Variants in MGA observed in about 807,000 individuals in gnomAD.
The protein encoded by MGA is MAX gene-associated protein.
A neutral mutation model predicts 261.1 loss-of-function variants in MGA; 40 were observed. The ratio of observed to expected loss-of-function variants is 0.15; its 90% CI spans 0.12 to 0.20. The LOEUF (loss-of-function observed/expected upper bound fraction) is 0.20. Among genes scored for constraint, MGA ranks in the 10% least tolerant of loss-of-function variants. The pLI is 1.00. For synonymous variants in MGA, 1,302 were observed against 1,290.6 expected (o/e 1.01, Z -0.19); for missense variants, 3,397 against 3,630.5 (o/e 0.94, Z 1.65).
chr15:41,648,292 G>A (rs936079679), intron 1 of MGA, among the ~76,000 whole-genome samples: 5 of 152,152 alleles, frequency 3.3e-5, no homozygotes, highest in African/African-American at 9.7e-5. Flanking sequence ...ACTGCTTTGT[G>A]ACCTTGAACA....
Position 41,711,047 on chromosome 15 carries a change from A to G in MGA, c.2782A>G (p.Lys928Glu), listed in dbSNP as rs2060360629. ...ACCATACCCTGTTTCACCAAAGCAG[A>G]AATACTCTCATGTGATTCTAGGAGA... The change falls in exon 8 of 24, where the codon AAA becomes GAA. Residue 928 changes from lysine to glutamate, a missense_variant. By Grantham distance (56) the Lys-to-Glu change is moderately conservative. Around this residue, in one of 9 missense-constraint regions of MGA, gnomAD observed 519 missense variants for 554.1 expected, o/e 0.94. Transcript: ENST00000219905. 1 of 1,613,962 alleles carries G rather than the reference A, an allele frequency of 6.2e-7. No homozygotes were observed. The highest frequency in any genetic ancestry group is 1.1e-5 in the South Asian group (1 of 91,092).
At chr15:41,632,797 C>G (rs1235801950) in intron 1 of MGA, among the ~76,000 whole-genome samples, 3 of 149,158 alleles carry the variant, frequency 2.0e-5, no homozygotes, top group African/African-American at 7.3e-5. Context: ...AAAAAAAAAG[C>G]TGGTGCCATA....
chr15:41,632,436 C>G (rs2056609806), intron 1 of MGA, among the ~76,000 whole-genome samples: 2 of 152,300 alleles, frequency 1.3e-5, no homozygotes, highest in South Asian at 4.1e-4. Context: ...CTCTCCTCCC[C>G]CAGCAGAACC....
At chr15:41,635,449 C>A (rs2056680961) in intron 1 of MGA, among the ~76,000 whole-genome samples, 1 of 152,246 alleles carries the variant, frequency 6.6e-6, no homozygotes, top group South Asian at 2.1e-4. Flanking sequence ...GTGGCTCACG[C>A]CAGTAATCCC....
chr15:41,743,273 G>A (rs185486178), intron 15 of MGA, 101 bp downstream of exon 15: 2 of 1,337,286 alleles, frequency 1.5e-6, no homozygotes, highest in Non-Finnish European at 1.0e-6. Flanking sequence ...TAACAGTATA[G>A]GTATTTCTGT....
chr15:41,687,650 G>C (rs2059040769), intron 2 of MGA, among the ~76,000 whole-genome samples: 1 of 152,134 alleles, frequency 6.6e-6, no homozygotes, highest in African/African-American at 2.4e-5. Context: ...GTTTGTTACT[G>C]ATTTGTAGTT....
chr15:41,747,052 G>A (rs2062542065), intron 15 of MGA, among the ~76,000 whole-genome samples: 1 of 151,478 alleles, frequency 6.6e-6, no homozygotes. Context: ...ATCAGGAAAG[G>A]GCATCTTTAA....
chr15:41,737,311 T>G (rs1306306568), intron 13 of MGA, among the ~76,000 whole-genome samples: 5 of 151,732 alleles, frequency 3.3e-5, no homozygotes, highest in African/African-American at 1.2e-4. Context: ...TGTGTGTGTT[T>G]TTTTTTGTTT....
intron 2 of MGA, among the ~76,000 whole-genome samples, chr15:41,688,728 T>C (rs2059103793): frequency 1.4e-5 from 1 of 69,452 alleles, no homozygotes; most frequent in South Asian, 4.9e-4. Context: ...TACCTCTTTG[T>C]AATTTTTTTA....
In MGA at chr15:41,736,238, A is replaced by C. The variant is rs774541202; in HGVS notation, c.3974A>C (p.His1325Pro). The C allele has an allele frequency of 1.2e-6, 2 of 1,613,788 alleles. No individual in the cohort carries two copies. Among genetic ancestry groups the C allele is most frequent in the Non-Finnish European group, 1.7e-6 (2 of 1,179,814 alleles). Reference sequence around the variant, plus strand: ...GAATCCTCTTCTACTTCTTATATGCATCAGAGGTCACCTGGTGGTCCCACC... The same window carrying C: ...GAATCCTCTTCTACTTCTTATATGCCTCAGAGGTCACCTGGTGGTCCCACC... Residue 1325 changes from histidine to proline, a missense_variant, in exon 13 of 24, where the codon CAT becomes CCT. His to Pro is a moderately conservative substitution (Grantham distance 77). Coordinates refer to ENST00000219905, the MANE Select transcript of MGA (RefSeq NM_001164273.2).
chr15:41,662,995 G>T (rs2057508585), intron 1 of MGA, among the ~76,000 whole-genome samples: 1 of 152,156 alleles, frequency 6.6e-6, no homozygotes, highest in Non-Finnish European at 1.5e-5. Flanking sequence ...AATTTTTGGG[G>T]TTGAGCACAG....
chr15:41,712,347 G>T (rs575649924), intron 8 of MGA, among the ~76,000 whole-genome samples: 3 of 151,952 alleles, frequency 2.0e-5, no homozygotes, highest in Non-Finnish European at 4.4e-5. Context: ...AGTAGCTGGG[G>T]CCTGTAGGTG....
At chr15:41,710,372 TTTTA>T (rs1243903889) in intron 7 of MGA, among the ~76,000 whole-genome samples, 2 of 152,180 alleles carry the variant, frequency 1.3e-5, no homozygotes, top group African/African-American at 2.4e-5. Flanking sequence ...CTTCACTTGG[TTTTA>T]TTTATTTTTT....
intron 7 of MGA, among the ~76,000 whole-genome samples, chr15:41,709,203 C>G (rs1018199680): frequency 1.3e-5 from 2 of 151,838 alleles, no homozygotes; most frequent in East Asian, 2.0e-4. Context: ...CAAAAACAGC[C>G]AGATGTGGTG....
At chr15:41,676,603 G>A (rs2058392794) in intron 2 of MGA, among the ~76,000 whole-genome samples, 1 of 152,068 alleles carries the variant, frequency 6.6e-6, no homozygotes, top group African/African-American at 2.4e-5. Flanking sequence ...TTTAAGGGGT[G>A]TATTAGTATC....
chr15:41,660,882 C>A (rs1358733144), intron 1 of MGA, among the ~76,000 whole-genome samples: 1 of 152,208 alleles, frequency 6.6e-6, no homozygotes, highest in Non-Finnish European at 1.5e-5. Flanking sequence ...TGGTACGGTC[C>A]GCGTGACGAC....
At chr15:41,629,683 CA>C (rs761942177) in intron 1 of MGA, among the ~76,000 whole-genome samples, 2 of 150,822 alleles carry the variant, frequency 1.3e-5, no homozygotes, top group Non-Finnish European at 3.0e-5. Flanking sequence ...GAGCCATGAT[CA>C]TGCCACTGCA....
At chr15:41,680,345 C>T (rs1262962743) in intron 2 of MGA, among the ~76,000 whole-genome samples, 1 of 152,154 alleles carries the variant, frequency 6.6e-6, no homozygotes, top group South Asian at 2.1e-4. Flanking sequence ...CAGAGGTACA[C>T]AGTTGCCTTA....
chr15:41,651,386 G>A (rs1011589019), intron 1 of MGA, among the ~76,000 whole-genome samples: 1 of 152,086 alleles, frequency 6.6e-6, no homozygotes, highest in Admixed American at 6.6e-5. Flanking sequence ...CCAAATTCTG[G>A]ATAATTTATT....
Sources: gnomAD v4.1 joint callset for allele counts (sites outside exome capture counted in the v4.1 genomes callset) on GRCh38, gnomAD v4.1.1 for gene constraint, gnomAD v4.1.1 regional missense constraint, MANE v1.5 for transcripts, NCBI Gene and HGNC (gene_info 2026-07-23, HGNC 2026-07-21) for gene names.